Variants in B3GALT1 observed in about 807,000 individuals in gnomAD.
B3GALT1 encodes the protein beta-1,3-galactosyltransferase 1.
B3GALT1 carries 10 observed loss-of-function variants against 23.2 expected under a neutral mutation model. The observed-to-expected ratio is 0.43, with a 90% CI of 0.27 to 0.73. The LOEUF (loss-of-function observed/expected upper bound fraction) is 0.73, where lower values mean the gene tolerates loss of function less well. B3GALT1 is among the 30% of genes least tolerant of loss of function. The pLI is 0.21. For synonymous variants in B3GALT1, 156 were observed against 141.5 expected (o/e 1.10, Z -0.73); for missense variants, 299 against 405.4 (o/e 0.74, Z 2.25).
rs371082096 is a variant in B3GALT1, at chr2:167,774,368, AT to A, written c.-351-44300del. The stretch of plus-strand genomic sequence containing the variant: ...TGAAAACAGGTAAGATTGAAGAATC[AT>A]TTTCTTTGGCATTGTCATTCCAAGA... On this transcript the variant is annotated intron_variant, in intron 3 of 4. Coordinates refer to ENST00000392690, the MANE Select transcript of B3GALT1 (RefSeq NM_020981.4). 6.6e-5 allele frequency among the ~76,000 whole-genome samples: 10 copies of A among 151,066 alleles called. No individual in the cohort carries two copies. The South Asian group carries it at 2.1e-3, about 32-fold the overall frequency.
At chr2:167,520,422 A>G (rs1188688027) in intron 2 of B3GALT1, among the ~76,000 whole-genome samples, 2 of 152,160 alleles carry the variant, frequency 1.3e-5, no homozygotes, top group Non-Finnish European at 1.5e-5. Context: ...CTTGTCTGAT[A>G]AGAGGAGTGA....
At chr2:167,293,529 A>C (rs1696293291) in intron 1 of B3GALT1, among the ~76,000 whole-genome samples, 195 bp downstream of exon 1, 2 of 152,072 alleles carry the variant, frequency 1.3e-5, no homozygotes, top group African/African-American at 4.8e-5. Flanking sequence ...GCGCTCACAG[A>C]CTTTGACAGC....
At chr2:167,341,975 C>T (rs901254154) in intron 1 of B3GALT1, among the ~76,000 whole-genome samples, 6 of 152,144 alleles carry the variant, frequency 3.9e-5, no homozygotes, top group Admixed American at 3.9e-4. Context: ...CATTACTTGC[C>T]TGGCCGGACC....
At chr2:167,837,112 G>T (rs1689498055) in intron 4 of B3GALT1, among the ~76,000 whole-genome samples, 1 of 152,170 alleles carries the variant, frequency 6.6e-6, no homozygotes, top group Non-Finnish European at 1.5e-5. Flanking sequence ...GGAAGAAACT[G>T]CATCAACTAA....
chr2:167,654,723 T>C (rs905757211), intron 3 of B3GALT1, among the ~76,000 whole-genome samples: 16 of 151,954 alleles, frequency 1.1e-4, no homozygotes, highest in African/African-American at 3.9e-4. Flanking sequence ...CTTGAACTCC[T>C]GGCTTCAAGA....
At chr2:167,826,692 A>T (rs1046089867) in intron 4 of B3GALT1, among the ~76,000 whole-genome samples, 1 of 152,214 alleles carries the variant, frequency 6.6e-6, no homozygotes, top group Non-Finnish European at 1.5e-5. Flanking sequence ...CACAGGTTCC[A>T]CATCTGAGGC....
chr2:167,774,320 C>T lies in B3GALT1; in HGVS notation c.-351-44352C>T, dbSNP rs150204141. Among the ~76,000 whole-genome samples, 1,351 of 152,050 alleles carry T rather than the reference C, an allele frequency of 8.9e-3. 12 individuals carry two copies. Among genetic ancestry groups the T allele is most frequent in the Non-Finnish European group, 0.013 (856 of 67,986 alleles). Reference sequence around the variant, plus strand: ...CTTTACCCTGGAAAACACCAGTAATCCATATCAAAATGAGAATATCACTGA... The same window carrying T: ...CTTTACCCTGGAAAACACCAGTAATTCATATCAAAATGAGAATATCACTGA... On this transcript the variant is annotated intron_variant, in intron 3 of 4. Coordinates refer to ENST00000392690, the MANE Select transcript of B3GALT1 (RefSeq NM_020981.4).
rs1209538265 is a variant in B3GALT1, at chr2:167,389,766, G to T, written c.-511+96432G>T. The stretch of plus-strand genomic sequence containing the variant: ...GGTGAATTATCAAGAGAACATACTG[G>T]CCGGGCAGGGTGTCTCATGCCTATA... On this transcript the variant is annotated intron_variant, in intron 1 of 4. Coordinates refer to ENST00000392690, the MANE Select transcript of B3GALT1 (RefSeq NM_020981.4). Among the ~76,000 whole-genome samples the T allele has an allele frequency of 2.6e-5, 4 of 152,138 alleles. No individual in the cohort carries two copies. The East Asian group carries it at 5.8e-4, about 22-fold the overall frequency.
chr2:167,403,007 G>A (rs1698216971), intron 1 of B3GALT1, among the ~76,000 whole-genome samples: 1 of 151,356 alleles, frequency 6.6e-6, no homozygotes, highest in Non-Finnish European at 1.5e-5. Flanking sequence ...GCAAGATTTG[G>A]CTAAAGAGCA....
intron 1 of B3GALT1, among the ~76,000 whole-genome samples, chr2:167,302,317 T>C (rs1195835171): frequency 6.6e-6 from 1 of 152,174 alleles, no homozygotes; most frequent in Non-Finnish European, 1.5e-5. Context: ...GAACAGGCAC[T>C]ACTTTAATGA....
intron 1 of B3GALT1, among the ~76,000 whole-genome samples, chr2:167,349,739 A>G (rs992521467): frequency 6.6e-6 from 1 of 152,222 alleles, no homozygotes; most frequent in African/African-American, 2.4e-5. Flanking sequence ...CAGGTTCTCC[A>G]TACTATACAG....
chr2:167,528,743 G>C (rs1657502075), intron 2 of B3GALT1, among the ~76,000 whole-genome samples: 2 of 152,114 alleles, frequency 1.3e-5, no homozygotes. Flanking sequence ...ATACAGAAAG[G>C]AAATCTTATT....
chr2:167,871,101 G>A lies in B3GALT1; in HGVS notation c.*1081G>A, dbSNP rs1472420310. 1 of 152,254 alleles carries A rather than the reference G, an allele frequency of 6.6e-6. No homozygotes were observed. Among genetic ancestry groups the A allele is most frequent in the Middle Eastern group, 3.2e-3 (1 of 316 alleles). The allele number at this position is 152,254 out of a possible 1,614,324, so 9.4% of individuals were successfully genotyped here. A position where few individuals can be genotyped will look rare whatever the true frequency, so the allele number is the denominator to read the frequency against. On this transcript the variant is annotated 3_prime_UTR_variant, in exon 5 of 5. Transcript: ENST00000392690. ...GCATGTTCAGCAGCAATGCTGTTAT[G>A]AGGTATTCTGGGGGCTCTGTGATTG...
intron 1 of B3GALT1, among the ~76,000 whole-genome samples, chr2:167,480,997 A>G (rs73024003): frequency 0.046 from 7,024 of 152,196 alleles, 538 homozygotes; most frequent in African/African-American, 0.16. Flanking sequence ...TCCCAGTCCT[A>G]TAAGATTTGG....
chr2:167,789,388 C>T (rs367909885), intron 3 of B3GALT1, among the ~76,000 whole-genome samples: 136 of 152,230 alleles, frequency 8.9e-4, no homozygotes, highest in Admixed American at 1.4e-3. Context: ...TGTTCCTTAA[C>T]CTCTCTAACC....
intron 1 of B3GALT1, among the ~76,000 whole-genome samples, chr2:167,439,485 G>T (rs937253726): frequency 6.6e-6 from 1 of 151,960 alleles, no homozygotes; most frequent in Admixed American, 6.6e-5. Flanking sequence ...GAGAATTCAT[G>T]CTTAAAATTA....
At chr2:167,422,501 C>T (rs898776244) in intron 1 of B3GALT1, among the ~76,000 whole-genome samples, 2 of 152,196 alleles carry the variant, frequency 1.3e-5, no homozygotes, top group South Asian at 4.1e-4. Context: ...GTCAGGATTT[C>T]TTCAGAGACA....
intron 3 of B3GALT1, among the ~76,000 whole-genome samples, chr2:167,791,889 GAA>G (rs10572191): frequency 0.1 from 14,378 of 139,622 alleles, 1,007 homozygotes; most frequent in African/African-American, 0.21. Flanking sequence ...CCTGCTCCTA[GAA>G]AAAAAAAAAA....
intron 2 of B3GALT1, among the ~76,000 whole-genome samples, chr2:167,508,775 T>TA (rs150612901): frequency 1.6e-4 from 23 of 145,130 alleles, no homozygotes; most frequent in African/African-American, 2.3e-4. Flanking sequence ...AAACTTTTCA[T>TA]AAAAAAAAAA....
Sources: allele counts gnomAD v4.1 joint callset (sites outside exome capture counted in the v4.1 genomes callset), GRCh38; gene constraint gnomAD v4.1.1; transcripts MANE v1.5; gene names NCBI Gene and HGNC (gene_info 2026-07-23, HGNC 2026-07-21).